Variants in SBNO1 observed in about 807,000 individuals in gnomAD.
SBNO1 encodes the protein strawberry notch homolog 1, also known as protein strawberry notch homolog 1.
SBNO1 carries 23 observed loss-of-function variants against 173.6 expected under a neutral mutation model. The ratio of observed to expected loss-of-function variants is 0.13; its 90% CI spans 0.10 to 0.19. The LOEUF (loss-of-function observed/expected upper bound fraction) is 0.19, where lower values mean the gene tolerates loss of function less well. Among genes scored for constraint, SBNO1 ranks in the 10% least tolerant of loss-of-function variants. SBNO1 has a pLI of 1.00. For missense variants in SBNO1, 1,238 were observed against 1,671.2 expected (o/e 0.74, Z 4.52); for synonymous variants, 632 against 571.5 (o/e 1.11, Z -1.51).
At chr12:123,320,139 G>T in intron 19 of SBNO1, 108 bp from the exon 20 acceptor site, 1 of 1,220,110 alleles carries the variant, frequency 8.2e-7, no homozygotes, top group Non-Finnish European at 1.2e-6. Flanking sequence ...AGGCTGTGCT[G>T]CACCACACAC....
chr12:123,296,865 G>GTT (rs139244747), intron 31 of SBNO1, among the ~76,000 whole-genome samples: 4 of 145,246 alleles, frequency 2.8e-5, no homozygotes, highest in East Asian at 4.1e-4. Context: ...GGCCCTATTT[G>GTT]TTTTTTTTTT....
At chr12:123,357,639 C>A (rs1874616564) in intron 1 of SBNO1, among the ~76,000 whole-genome samples, 2 of 151,724 alleles carry the variant, frequency 1.3e-5, no homozygotes, top group African/African-American at 4.9e-5. Context: ...CCTGTAGTCC[C>A]AGCTACTCGG....
chr12:123,319,735 T>A (rs1378742145), intron 20 of SBNO1, among the ~76,000 whole-genome samples, 165 bp downstream of exon 20: 1 of 152,076 alleles, frequency 6.6e-6, no homozygotes, highest in East Asian at 1.9e-4. Context: ...AATGATAAAA[T>A]AATAAAAACA....
intron 9 of SBNO1, 40 bp downstream of exon 9, chr12:123,330,379 A>G (rs1330124594): frequency 3.5e-6 from 4 of 1,157,856 alleles, no homozygotes; most frequent in African/African-American, 1.5e-5. Context: ...AGATGAGTCA[A>G]TATTTATTGA....
chr12:123,345,682 CTTTTT>C (rs569051179), intron 3 of SBNO1, 112 bp from the exon 4 acceptor site: 19 of 720,820 alleles, frequency 2.6e-5, no homozygotes, highest in Middle Eastern at 3.4e-4. Flanking sequence ...TTTATTATTG[CTTTTT>C]TTTTTTCTTT....
Position 123,303,679 on chromosome 12 carries a change from T to C in SBNO1, c.3769-779A>G, listed in dbSNP as rs977592015. On this transcript the variant is annotated intron_variant, in intron 29 of 31. Coordinates refer to ENST00000602398, the MANE Select transcript of SBNO1 (RefSeq NM_001167856.3). ...GCTGGTAACATTAAGACTGTGATAT[T>C]AGCATAACAAAAGTTGACACTTTCC... Among the ~76,000 whole-genome samples the C allele has an allele frequency of 9.9e-5, 15 of 152,000 alleles. 1 individual carries two copies. The highest frequency in any genetic ancestry group is 3.9e-4 in the East Asian group (2 of 5,164).
intron 15 of SBNO1, among the ~76,000 whole-genome samples, chr12:123,324,588 C>T (rs1870391999): frequency 6.6e-6 from 1 of 151,862 alleles, no homozygotes; most frequent in South Asian, 2.1e-4. Context: ...TCCCAAAGTG[C>T]CTGGATTACA....
At position 123,311,242 on chromosome 12, in the gene SBNO1, T is replaced by G. The variant is rs190709572; in HGVS notation, c.3221-113A>C. ...ATCATGCCATTTTAAAAAAACACCT[T>G]GATATTTATATAAACATGGAGAAAA... On this transcript the variant is annotated intron_variant, in intron 24 of 31. Coordinates refer to ENST00000602398, the MANE Select transcript of SBNO1 (RefSeq NM_001167856.3). 69 of 727,820 alleles carry G rather than the reference T, an allele frequency of 9.5e-5. No homozygotes were observed. The African/African-American group carries it at 1.1e-3, about 12-fold the overall frequency. The allele number at this position is 727,820 out of a possible 1,614,324, so 45.1% of individuals were successfully genotyped here.
chr12:123,319,259 C>A (rs2138960398), intron 20 of SBNO1, among the ~76,000 whole-genome samples: 1 of 152,118 alleles, frequency 6.6e-6, no homozygotes, highest in South Asian at 2.1e-4. Context: ...GCCACCACGC[C>A]TGGAGAAAAC....
intron 10 of SBNO1, 111 bp from the exon 11 acceptor site, chr12:123,328,138 T>C: frequency 3.8e-6 from 3 of 792,506 alleles, no homozygotes; most frequent in East Asian, 5.1e-5. Flanking sequence ...GCCTATTTCA[T>C]GACTGCAAAT....
Position 123,309,587 on chromosome 12 carries a change from G to A in SBNO1, c.3443-4C>T, listed in dbSNP as rs201443230. On this transcript the variant is annotated splice_polypyrimidine_tract_variant and splice_region_variant and intron_variant, in intron 26 of 31. Transcript: ENST00000602398. ...TTTTCATCTCCAGAACCAAGATCTT[G>A]AACAAGAAAAAGAAACATGTAAATG... 14 of 1,611,958 alleles carry A rather than the reference G, an allele frequency of 8.7e-6. No individual in the cohort carries two copies. The highest frequency in any genetic ancestry group is 1.1e-5 in the Non-Finnish European group (13 of 1,178,516).
chr12:123,345,389 C>G lies in SBNO1; in HGVS notation c.419G>C (p.Arg140Pro). Residue 140 changes from arginine to proline, a missense_variant, in exon 4 of 32, where the codon CGA becomes CCA. This residue lies in a region of SBNO1 where 287 missense variants were observed against 274.1 expected (regional missense o/e 1.05). Coordinates refer to ENST00000602398, the MANE Select transcript of SBNO1 (RefSeq NM_001167856.3). ...TGAAGGTGCAGAGGTCATGGCATTTCGTACTGTTGGTGCTGAGACTGACGG... is the reference window on the plus strand; with the variant it reads ...TGAAGGTGCAGAGGTCATGGCATTTGGTACTGTTGGTGCTGAGACTGACGG... ...TRPSVSAPTV[R>P]NAMTSAPSKD... 1 of 1,614,116 alleles carries G rather than the reference C, an allele frequency of 6.2e-7. No individual in the cohort carries two copies. Among genetic ancestry groups the G allele is most frequent in the African/African-American group, 1.3e-5 (1 of 75,014 alleles).
At position 123,339,719 on chromosome 12, in the gene SBNO1, G is replaced by A. The variant is rs568530111; in HGVS notation, c.651+1269C>T. On this transcript the variant is annotated intron_variant, in intron 5 of 31. Coordinates refer to ENST00000602398, the MANE Select transcript of SBNO1 (RefSeq NM_001167856.3). Reference sequence around the variant, plus strand: ...GAAGAATCGCTCGAACCTGGGAGGCGGAGATTGCAGTGAGCCAAGATTGCA... The same window carrying A: ...GAAGAATCGCTCGAACCTGGGAGGCAGAGATTGCAGTGAGCCAAGATTGCA... Among the ~76,000 whole-genome samples, 14 of 152,110 alleles carry A rather than the reference G, an allele frequency of 9.2e-5. No homozygotes were observed. The South Asian group carries it at 1.9e-3, about 20-fold the overall frequency.
intron 21 of SBNO1, among the ~76,000 whole-genome samples, chr12:123,316,458 A>AG (rs1333695755): frequency 2.0e-5 from 3 of 152,114 alleles, no homozygotes; most frequent in Non-Finnish European, 4.4e-5. Context: ...TCCCGACCTC[A>AG]GGTGATCCAC....
Position 123,292,570 on chromosome 12 carries a change from A to G in SBNO1, c.*3338T>C, listed in dbSNP as rs1333070647. On this transcript the variant is annotated 3_prime_UTR_variant, in exon 32 of 32. Transcript: ENST00000602398. ...AGCAAATGAATGCCCCAGGGACTACAGCCAGAAAATTGTGCCTGTAAAATA... is the reference window on the plus strand; with the variant it reads ...AGCAAATGAATGCCCCAGGGACTACGGCCAGAAAATTGTGCCTGTAAAATA... 6.6e-6 allele frequency: 1 copy of G among 152,210 alleles called. No individual in the cohort carries two copies. The highest frequency in any genetic ancestry group is 1.5e-5 in the Non-Finnish European group (1 of 68,032). The allele number at this position is 152,210 out of a possible 1,614,324, so 9.4% of individuals were successfully genotyped here.
At position 123,364,778 on chromosome 12, in the gene SBNO1, AGGCGGCGGTGGC is replaced by A. The variant is rs904870978; in HGVS notation, c.-90_-79del. On this transcript the variant is annotated 5_prime_UTR_variant, in exon 1 of 32. Transcript: ENST00000602398. Reference sequence around the variant, plus strand: ...GAAGGACCAGAGGCGACTGGAGCGGAGGCGGCGGTGGCGGCGGCAGCAGCGGCGTCCTGCTCT... The same window carrying A: ...GAAGGACCAGAGGCGACTGGAGCGGAGGCGGCAGCAGCGGCGTCCTGCTCT... The A allele has an allele frequency of 4.9e-5, 48 of 987,928 alleles. No individual in the cohort carries two copies. The Admixed American group carries it at 2.5e-3, about 52-fold the overall frequency. 61.2% of individuals were successfully genotyped at this position (987,928 alleles called of 1,614,324 possible). A position where few individuals can be genotyped will look rare whatever the true frequency, so the allele number is the denominator to read the frequency against.
chr12:123,327,269 C>A (rs929729400), intron 13 of SBNO1, among the ~76,000 whole-genome samples, 157 bp downstream of exon 13: 1 of 152,112 alleles, frequency 6.6e-6, no homozygotes, highest in Non-Finnish European at 1.5e-5. Flanking sequence ...CCTCAGCCTC[C>A]CAAAGTGCTG....
chr12:123,363,908 C>A (rs28660661), intron 1 of SBNO1: 58,219 of 985,416 alleles, frequency 0.059, 1,827 homozygotes, highest in South Asian at 0.11. Context: ...ACATCCAAAT[C>A]TCCTCAGCGG....
rs965488402 is a variant in SBNO1, at chr12:123,293,714, G to T, written c.*2194C>A. ...AAACATTACATCATAGGCCATGGGG[G>T]TTGTCACTTAGCTGCATGCTAAGAA... On this transcript the variant is annotated 3_prime_UTR_variant, in exon 32 of 32. Coordinates refer to ENST00000602398, the MANE Select transcript of SBNO1 (RefSeq NM_001167856.3). 4 of 152,204 alleles carry T rather than the reference G, an allele frequency of 2.6e-5. No homozygotes were observed. Among genetic ancestry groups the T allele is most frequent in the Admixed American group, 2.0e-4 (3 of 15,272 alleles). The allele number at this position is 152,204 out of a possible 1,614,324, so 9.4% of individuals were successfully genotyped here. A position where few individuals can be genotyped will look rare whatever the true frequency, so the allele number is the denominator to read the frequency against.
Sources: allele counts gnomAD v4.1 joint callset (sites outside exome capture counted in the v4.1 genomes callset), GRCh38; gene constraint gnomAD v4.1.1; regional missense constraint gnomAD v4.1.1; transcripts MANE v1.5; gene names NCBI Gene and HGNC (gene_info 2026-07-23, HGNC 2026-07-21).